Variants in FAM204A observed in about 807,000 individuals in gnomAD.
The protein encoded by FAM204A is family with sequence similarity 204 member A.
A neutral mutation model predicts 35.4 loss-of-function variants in FAM204A; 16 were observed. That is an observed-to-expected ratio of 0.45 (90% CI 0.31 to 0.69). The LOEUF (loss-of-function observed/expected upper bound fraction) is 0.69, where lower values mean the gene tolerates loss of function less well. Ranked by LOEUF, FAM204A falls within the 30% of genes least tolerant of loss-of-function variation. FAM204A has a pLI of 0.07. For synonymous variants in FAM204A, 76 were observed against 86.9 expected (o/e 0.88, Z 0.70); for missense variants, 240 against 265.7 (o/e 0.90, Z 0.67).
chr10:118,329,590 A>AC (rs947054036), intron 6 of FAM204A, among the ~76,000 whole-genome samples: 98 of 151,922 alleles, frequency 6.5e-4, no homozygotes, highest in African/African-American at 2.3e-3. Flanking sequence ...CAAACCCCAC[A>AC]CCAGGCTCTC....
At chr10:118,311,490 C>T (rs1210163557) in intron 7 of FAM204A, 177 bp from the exon 8 acceptor site, 8 of 558,916 alleles carry the variant, frequency 1.4e-5, no homozygotes, top group East Asian at 6.2e-5. Context: ...CCATATCTCC[C>T]GTGACTCCCA....
rs1245399892 is a variant in FAM204A, at chr10:118,306,067, C to T, written c.*4790G>A. Reference sequence around the variant, plus strand: ...CAGACATCAATAATTACAGCTTGCACTGTAGCTGTTGGTTCCTAAGGCTTT... The same window carrying T: ...CAGACATCAATAATTACAGCTTGCATTGTAGCTGTTGGTTCCTAAGGCTTT... On this transcript the variant is annotated 3_prime_UTR_variant, in exon 9 of 9. Coordinates refer to ENST00000369183, the MANE Select transcript of FAM204A (RefSeq NM_022063.3). 4 of 152,248 alleles carry T rather than the reference C, an allele frequency of 2.6e-5. No homozygotes were observed. Among genetic ancestry groups the T allele is most frequent in the Admixed American group, 6.5e-5 (1 of 15,286 alleles). The allele number at this position is 152,248 out of a possible 1,614,324, so 9.4% of individuals were successfully genotyped here.
At position 118,307,551 on chromosome 10, in the gene FAM204A, T is replaced by C. The variant is rs370237700; in HGVS notation, c.*3306A>G. ...CATCGGCTTGCCTCCTCAAACTTTA[T>C]CATCTCTTAAAAAATAATGTACAAC... On this transcript the variant is annotated 3_prime_UTR_variant, in exon 9 of 9. Coordinates refer to ENST00000369183, the MANE Select transcript of FAM204A (RefSeq NM_022063.3). The C allele has an allele frequency of 7.2e-5, 11 of 152,340 alleles. No homozygotes were observed. The East Asian group carries it at 1.3e-3, about 19-fold the overall frequency. 9.4% of individuals were successfully genotyped at this position (152,340 alleles called of 1,614,324 possible).
chr10:118,323,879 C>T (rs1048578655), intron 7 of FAM204A, among the ~76,000 whole-genome samples: 11 of 152,010 alleles, frequency 7.2e-5, no homozygotes, highest in Non-Finnish European at 1.5e-4. Flanking sequence ...ATAAAAGTTC[C>T]AAGTGCCAAA....
rs565492466 is a variant in FAM204A, at chr10:118,299,391, G to GTTTTTT, written c.*11460_*11465dup. The GTTTTTT allele has an allele frequency of 0.15, 13,836 of 89,650 alleles. 1,867 individuals are homozygous for GTTTTTT. The highest frequency in any genetic ancestry group is 0.22 in the African/African-American group (4,128 of 19,000). The allele number at this position is 89,650 out of a possible 1,614,324, so 5.6% of individuals were successfully genotyped here. ...ACCTCCTCCTTTCTGCTTCCAGAAGGTTTTTTTTTTTTTTTTTTTTTTGAG... is the reference window on the plus strand; with the variant it reads ...ACCTCCTCCTTTCTGCTTCCAGAAGGTTTTTTTTTTTTTTTTTTTTTTTTTTTTGAG... On this transcript the variant is annotated 3_prime_UTR_variant, in exon 9 of 9. Coordinates refer to ENST00000369183, the MANE Select transcript of FAM204A (RefSeq NM_022063.3).
At position 118,301,685 on chromosome 10, in the gene FAM204A, T is replaced by C. The variant is rs1218085818; in HGVS notation, c.*9172A>G. The C allele has an allele frequency of 1.3e-5, 2 of 152,240 alleles. No homozygotes were observed. Among genetic ancestry groups the C allele is most frequent in the Non-Finnish European group, 2.9e-5 (2 of 68,042 alleles). 9.4% of individuals were successfully genotyped at this position (152,240 alleles called of 1,614,324 possible). A position where few individuals can be genotyped will look rare whatever the true frequency, so the allele number is the denominator to read the frequency against. ...ATTGTCTCCCAACAAGTATATTGTT[T>C]GCTATATGTGAGAATCTATTCTCAG... On this transcript the variant is annotated 3_prime_UTR_variant, in exon 9 of 9. Coordinates refer to ENST00000369183, the MANE Select transcript of FAM204A (RefSeq NM_022063.3).
chr10:118,310,969 C>T (rs1845943183), intron 8 of FAM204A, 61 bp from the exon 9 acceptor site: 1 of 1,472,632 alleles, frequency 6.8e-7, no homozygotes, highest in East Asian at 2.3e-5. Flanking sequence ...CTTTGCTGAA[C>T]ATGTTTACTT....
intron 3 of FAM204A, 35 bp downstream of exon 3, chr10:118,336,147 C>A: frequency 6.3e-7 from 1 of 1,597,028 alleles, no homozygotes; most frequent in African/African-American, 1.3e-5. Context: ...TGCACACACA[C>A]AGGCTGTAGC....
In FAM204A at chr10:118,311,271, C is replaced by T. The variant is rs61729199; in HGVS notation, c.586G>A (p.Val196Ile). 9.9e-6 allele frequency: 16 copies of T among 1,609,816 alleles called. No homozygotes were observed. Among genetic ancestry groups the T allele is most frequent in the Non-Finnish European group, 1.3e-5 (15 of 1,178,732 alleles). The change falls in exon 8 of 9, where the codon GTA becomes ATA. Residue 196 changes from valine (V) to isoleucine (I), a missense_variant. By Grantham distance (29) the Val-to-Ile change is conservative (BLOSUM62 3). This residue lies in a region of FAM204A where 232 missense variants were observed against 242.8 expected (regional missense o/e 0.96). Transcript: ENST00000369183. ...TTTTCAACCTCCTTTTTGGCTTTTA[C>T]AAAGTTGTGGCAGGCAACTGCTTTG... ...IAKAVACHNFVKAKKEVENSQ... is the reference protein window; with the variant it reads ...IAKAVACHNFIKAKKEVENSQ...
At chr10:118,334,713 G>A (rs1416765274) in intron 6 of FAM204A, among the ~76,000 whole-genome samples, 2 of 152,108 alleles carry the variant, frequency 1.3e-5, no homozygotes, top group Non-Finnish European at 2.9e-5. Context: ...CCTCCTCCTC[G>A]CTGACCCCAT....
intron 7 of FAM204A, among the ~76,000 whole-genome samples, chr10:118,321,724 C>CAA (rs200200755): frequency 0.6 from 51,801 of 86,712 alleles, 14,829 homozygotes; most frequent in Admixed American, 0.7. Context: ...TATGACAAAG[C>CAA]AAAAAAAAAA....
In FAM204A at chr10:118,336,394, G is replaced by A. The variant is rs1846387766; in HGVS notation, c.22C>T (p.Pro8Ser). 1.2e-6 allele frequency: 2 copies of A among 1,613,548 alleles called. No homozygotes were observed. The highest frequency in any genetic ancestry group is 1.1e-5 in the South Asian group (1 of 91,032). Residue 8 changes from proline (P) to serine (S), a missense_variant, in exon 3 of 9, where the codon CCT becomes TCT. Pro to Ser is a moderately conservative substitution (Grantham distance 74). Around this residue, in one of 2 missense-constraint regions of FAM204A, gnomAD observed 232 missense variants for 242.8 expected, o/e 0.96. Coordinates refer to ENST00000369183, the MANE Select transcript of FAM204A (RefSeq NM_022063.3). ...TCAGCGTCACTTTCATTTAGGCCAG[G>A]AGGTAGCAGCCCACTCCACATCTTT... The part of the protein sequence containing the change: MWSGLLP[P>S]GLNESDAESN...
intron 6 of FAM204A, 124 bp downstream of exon 6, chr10:118,334,990 C>T: frequency 1.6e-6 from 1 of 639,818 alleles, no homozygotes; most frequent in Admixed American, 3.0e-5. Context: ...TTATCTAGCA[C>T]CCTTTTTGGT....
intron 7 of FAM204A, among the ~76,000 whole-genome samples, chr10:118,320,624 T>TTCTA (rs1245733570): frequency 6.6e-6 from 1 of 151,932 alleles, no homozygotes; most frequent in African/African-American, 2.4e-5. Context: ...AAGTATATGT[T>TTCTA]TCTACTTCAT....
chr10:118,301,661 T>C lies in FAM204A; in HGVS notation c.*9196A>G, dbSNP rs1432935013. 3 of 152,176 alleles carry C rather than the reference T, an allele frequency of 2.0e-5. No homozygotes were observed. The highest frequency in any genetic ancestry group is 7.2e-5 in the African/African-American group (3 of 41,448). The allele number at this position is 152,176 out of a possible 1,614,324, so 9.4% of individuals were successfully genotyped here. On this transcript the variant is annotated 3_prime_UTR_variant, in exon 9 of 9. Coordinates refer to ENST00000369183, the MANE Select transcript of FAM204A (RefSeq NM_022063.3). ...AGAAATGCAAGAATTGTCCAGAGAATTGTCTCCCAACAAGTATATTGTTTG... is the reference window on the plus strand; with the variant it reads ...AGAAATGCAAGAATTGTCCAGAGAACTGTCTCCCAACAAGTATATTGTTTG...
chr10:118,322,931 G>A lies in FAM204A; in HGVS notation c.543+3223C>T, dbSNP rs142417019. On this transcript the variant is annotated intron_variant, in intron 7 of 8. Coordinates refer to ENST00000369183, the MANE Select transcript of FAM204A (RefSeq NM_022063.3). ...TGAATTCCCCTTGTTTCAGATGGGG[G>A]TACTAATAAGCAGAAAAAGATAAAA... is the stretch of plus-strand genomic sequence containing the variant. Among the ~76,000 whole-genome samples, 876 of 152,170 alleles carry A rather than the reference G, an allele frequency of 5.8e-3. 6 individuals carry two copies. The highest frequency in any genetic ancestry group is 0.02 in the African/African-American group (822 of 41,530).
intron 7 of FAM204A, among the ~76,000 whole-genome samples, chr10:118,313,621 T>G (rs1357340631): frequency 6.6e-6 from 1 of 152,156 alleles, no homozygotes; most frequent in Non-Finnish European, 1.5e-5. Flanking sequence ...CTCTTCCCCA[T>G]CGCCAAAACG....
At chr10:118,314,673 T>C (rs907240444) in intron 7 of FAM204A, among the ~76,000 whole-genome samples, 1 of 152,204 alleles carries the variant, frequency 6.6e-6, no homozygotes, top group Admixed American at 6.5e-5. Context: ...GCTTGGTCAA[T>C]GGTTTAATAT....
At chr10:118,322,898 C>T (rs1846140207) in intron 7 of FAM204A, among the ~76,000 whole-genome samples, 1 of 152,070 alleles carries the variant, frequency 6.6e-6, no homozygotes, top group African/African-American at 2.4e-5. Context: ...AAAATAAATG[C>T]TTCTCTGTGA....
Sources: gnomAD v4.1 joint callset for allele counts (sites outside exome capture counted in the v4.1 genomes callset) on GRCh38, gnomAD v4.1.1 for gene constraint, gnomAD v4.1.1 regional missense constraint, MANE v1.5 for transcripts, NCBI Gene and HGNC (gene_info 2026-07-23, HGNC 2026-07-21) for gene names.